RFX3: variants seen among roughly 807,000 people sequenced by gnomAD.
RFX3 encodes the protein regulatory factor X3, also known as transcription factor RFX3.
Under a neutral mutation model 98.6 loss-of-function variants are expected in RFX3, and 14 were observed. The ratio of observed to expected loss-of-function variants is 0.14; its 90% CI spans 0.09 to 0.22. The LOEUF is 0.22. Ranked by LOEUF, RFX3 falls within the 10% of genes least tolerant of loss-of-function variation. The probability of loss-of-function intolerance (pLI) is 1.00; values close to 1 mark genes in which losing one functional copy is unlikely to be tolerated. For synonymous variants in RFX3, 383 were observed against 328.4 expected (o/e 1.17, Z -1.80); for missense variants, 639 against 926.9 (o/e 0.69, Z 4.03).
intron 2 of RFX3, among the ~76,000 whole-genome samples, chr9:3,376,451 G>C (rs1255457074): frequency 6.6e-6 from 1 of 151,848 alleles, no homozygotes; most frequent in African/African-American, 2.4e-5. Context: ...AATAAATATT[G>C]GTATAATGAA....
At chr9:3,271,180 A>C in intron 9 of RFX3, 62 bp from the exon 10 acceptor site, 2 of 1,417,330 alleles carry the variant, frequency 1.4e-6, no homozygotes, top group Non-Finnish European at 2.0e-6. Flanking sequence ...GTGTGAGGAC[A>C]GTCTAACATG....
rs930044090 is a variant in RFX3 at position 3,222,398 on chromosome 9, T to A, written c.*2644A>T. 4 of 152,222 alleles carry A rather than the reference T, an allele frequency of 2.6e-5. No homozygotes were observed. Among genetic ancestry groups the A allele is most frequent in the Non-Finnish European group, 1.5e-5 (1 of 68,018 alleles). The allele number at this position is 152,222 out of a possible 1,614,324, so 9.4% of individuals were successfully genotyped here. A position where few individuals can be genotyped will look rare whatever the true frequency, so the allele number is the denominator to read the frequency against. On this transcript the variant is annotated 3_prime_UTR_variant, in exon 17 of 17. Coordinates refer to ENST00000617270, the MANE Select transcript of RFX3 (RefSeq NM_001282116.2). ...ATGAACAATTGGAAGAAATGTTGAA[T>A]CCTGGAGCATCCCCGATCCCTAAGC...
chr9:3,415,182 T>TAC (rs1376929305), intron 1 of RFX3, among the ~76,000 whole-genome samples: 1 of 139,890 alleles, frequency 7.1e-6, no homozygotes, highest in African/African-American at 2.7e-5. Flanking sequence ...TATATATATA[T>TAC]ACACATACTC....
At chr9:3,283,454 A>T (rs968852918) in intron 7 of RFX3, among the ~76,000 whole-genome samples, 1 of 151,756 alleles carries the variant, frequency 6.6e-6, no homozygotes, top group Non-Finnish European at 1.5e-5. Context: ...TACACTCTGC[A>T]GAAGTGCCTA....
chr9:3,250,567 G>C (rs563675340), intron 14 of RFX3, among the ~76,000 whole-genome samples: 1 of 152,004 alleles, frequency 6.6e-6, no homozygotes, highest in African/African-American at 2.4e-5. Context: ...AAATTTAAAA[G>C]GTCAAAACCT....
chr9:3,471,519 GTCTC>G (rs762049858), intron 1 of RFX3, among the ~76,000 whole-genome samples: 7 of 152,124 alleles, frequency 4.6e-5, no homozygotes, highest in Non-Finnish European at 5.9e-5. Context: ...GCTTAAACTT[GTCTC>G]TCTAAGTGTG....
At chr9:3,426,250 A>G (rs1050978212) in intron 1 of RFX3, among the ~76,000 whole-genome samples, 9 of 152,048 alleles carry the variant, frequency 5.9e-5, no homozygotes, top group Admixed American at 3.9e-4. Flanking sequence ...TGAGGTACAC[A>G]GTGATGTTTC....
intron 1 of RFX3, among the ~76,000 whole-genome samples, chr9:3,459,211 C>T (rs1847468812): frequency 6.6e-6 from 1 of 152,166 alleles, no homozygotes; most frequent in Non-Finnish European, 1.5e-5. Context: ...TAACTGAACA[C>T]TACAGGCAAT....
chr9:3,269,827 T>C (rs569905773), intron 11 of RFX3, among the ~76,000 whole-genome samples: 2 of 152,254 alleles, frequency 1.3e-5, no homozygotes, highest in African/African-American at 2.4e-5. Context: ...TAAATGCTTT[T>C]ATAATGGAAT....
chr9:3,367,784 T>C (rs1281912643), intron 2 of RFX3, among the ~76,000 whole-genome samples: 1 of 152,166 alleles, frequency 6.6e-6, no homozygotes, highest in African/African-American at 2.4e-5. Context: ...TTTGGTGAAA[T>C]ACAAGGATAA....
chr9:3,277,172 A>T (rs1209372831), intron 8 of RFX3, among the ~76,000 whole-genome samples, 168 bp downstream of exon 8: 1 of 152,060 alleles, frequency 6.6e-6, no homozygotes, highest in Non-Finnish European at 1.5e-5. Flanking sequence ...TCTAATAAAC[A>T]CGAAAGGCAG....
At chr9:3,498,841 C>T (rs1001380387) in intron 1 of RFX3, among the ~76,000 whole-genome samples, 1 of 152,012 alleles carries the variant, frequency 6.6e-6, no homozygotes, top group Non-Finnish European at 1.5e-5. Flanking sequence ...CAATCTATTA[C>T]GGTTGCTAGG....
At chr9:3,328,518 A>G (rs1376729996) in intron 4 of RFX3, among the ~76,000 whole-genome samples, 2 of 152,128 alleles carry the variant, frequency 1.3e-5, no homozygotes, top group African/African-American at 4.8e-5. Flanking sequence ...AAAATACTGT[A>G]TTTAATATTA....
chr9:3,230,358 T>G (rs913512453), intron 15 of RFX3, among the ~76,000 whole-genome samples: 6 of 152,178 alleles, frequency 3.9e-5, no homozygotes, highest in African/African-American at 1.2e-4. Context: ...TAGAGCTATT[T>G]TTTAGAGTTA....
At chr9:3,234,203 C>T (rs549842840) in intron 15 of RFX3, among the ~76,000 whole-genome samples, 99 of 152,308 alleles carry the variant, frequency 6.5e-4, no homozygotes, top group African/African-American at 2.3e-3. Context: ...CACACTTTTT[C>T]AGTAAGGGAC....
At chr9:3,464,197 G>A (rs1304199816) in intron 1 of RFX3, among the ~76,000 whole-genome samples, 3 of 152,134 alleles carry the variant, frequency 2.0e-5, no homozygotes, top group Non-Finnish European at 4.4e-5. Context: ...AAATGGTACA[G>A]CCACTTTGGA....
rs185971655 is a variant in RFX3, at chr9:3,396,792, T to G, written c.-8-1196A>C. Reference sequence around the variant, plus strand: ...TGATTTGCATTTCTCTGATCGCCAGTGATGATGAGCATTTTTTCATGTGTC... The same window carrying G: ...TGATTTGCATTTCTCTGATCGCCAGGGATGATGAGCATTTTTTCATGTGTC... On this transcript the variant is annotated intron_variant, in intron 1 of 16. Coordinates refer to ENST00000617270, the MANE Select transcript of RFX3 (RefSeq NM_001282116.2). 5.3e-3 allele frequency among the ~76,000 whole-genome samples: 806 copies of G among 152,316 alleles called. 10 individuals are homozygous for G. The highest frequency in any genetic ancestry group is 7.6e-3 in the Admixed American group (117 of 15,296).
At chr9:3,472,675 T>G (rs1848877542) in intron 1 of RFX3, among the ~76,000 whole-genome samples, 1 of 152,194 alleles carries the variant, frequency 6.6e-6, no homozygotes, top group Non-Finnish European at 1.5e-5. Flanking sequence ...TTCATTTCTT[T>G]GTTAAATCAG....
intron 2 of RFX3, among the ~76,000 whole-genome samples, chr9:3,388,578 A>G (rs2131823586): frequency 6.6e-6 from 1 of 152,212 alleles, no homozygotes; most frequent in South Asian, 2.1e-4. Context: ...TCTCTAGTCT[A>G]TCTAGGCAAT....
Sources: allele counts gnomAD v4.1 joint callset (sites outside exome capture counted in the v4.1 genomes callset), GRCh38; gene constraint gnomAD v4.1.1; transcripts MANE v1.5; gene names NCBI Gene and HGNC (gene_info 2026-07-23, HGNC 2026-07-21).